Variants in DCPS observed in about 807,000 individuals in gnomAD.
The protein encoded by DCPS is decapping enzyme, scavenger.
Under a neutral mutation model 34.7 loss-of-function variants are expected in DCPS, and 27 were observed. The ratio of observed to expected loss-of-function variants is 0.78; its 90% CI spans 0.57 to 1.07. DCPS has a LOEUF of 1.07. DCPS is among the 50% of genes least tolerant of loss of function. The pLI, the probability that DCPS is intolerant of heterozygous loss-of-function variation, is 0.00. For synonymous variants in DCPS, 185 were observed against 185.7 expected, an observed-to-expected ratio of 1.00 and a Z score of 0.03; for missense variants, 464 against 436.9, an observed-to-expected ratio of 1.06 and a Z score of -0.55.
In DCPS at chr11:126,328,854, A is replaced by G. The variant is rs1436569886; in HGVS notation, c.377-2551A>G. Among the ~76,000 whole-genome samples, 4 of 152,062 alleles carry G rather than the reference A, an allele frequency of 2.6e-5. No individual in the cohort carries two copies. The highest frequency in any genetic ancestry group is 1.9e-4 in the East Asian group (1 of 5,182). On this transcript the variant is annotated intron_variant, in intron 2 of 5. Transcript: ENST00000263579. The surrounding 1 kb of genome is among the most constrained non-coding windows in gnomAD (Gnocchi z 6.6). Reference sequence around the variant, plus strand: ...AGGCACTTCCTGAATCTTTCCTTCTACTGACTCGTTTAATTCTCCCAACAG... The same window carrying G: ...AGGCACTTCCTGAATCTTTCCTTCTGCTGACTCGTTTAATTCTCCCAACAG...
Position 126,338,161 on chromosome 11 carries a change from TG to T in DCPS, c.523-123del. 1.3e-6 allele frequency: 1 copy of T among 794,530 alleles called. No individual in the cohort carries two copies. The highest frequency in any genetic ancestry group is 2.1e-6 in the Non-Finnish European group (1 of 472,012). The allele number at this position is 794,530 out of a possible 1,614,324, so 49.2% of individuals were successfully genotyped here. On this transcript the variant is annotated intron_variant, in intron 3 of 5. Transcript: ENST00000263579. The surrounding 1 kb of genome is among the most constrained non-coding windows in gnomAD (Gnocchi z 5.4). The stretch of plus-strand genomic sequence containing the variant: ...AGCCCGGATGTAGATCCTCTGAGCG[TG>T]GCGGCCTTTTATGGCTTGGTTCTGT...
At chr11:126,311,067 C>T (rs938691869) in intron 2 of DCPS, among the ~76,000 whole-genome samples, 1 of 152,178 alleles carries the variant, frequency 6.6e-6, no homozygotes, top group Non-Finnish European at 1.5e-5. Flanking sequence ...ATTCGTTTAT[C>T]CCCTCCACGT....
chr11:126,333,605 C>T lies in DCPS; in HGVS notation c.522+2055C>T, dbSNP rs1951808278. Among the ~76,000 whole-genome samples the T allele has an allele frequency of 6.6e-6, 1 of 152,162 alleles. No homozygotes were observed. Among genetic ancestry groups the T allele is most frequent in the African/African-American group, 2.4e-5 (1 of 41,432 alleles). ...AGGGAGGAGCAAGTCCAGAGGCACA[C>T]AGAGCTGGAATCATCCGATGCTTTG... is the stretch of plus-strand genomic sequence containing the variant. On this transcript the variant is annotated intron_variant, in intron 3 of 5. Coordinates refer to ENST00000263579, the MANE Select transcript of DCPS (RefSeq NM_014026.6). The surrounding 1 kb of genome is among the most constrained non-coding windows in gnomAD (Gnocchi z 5.7).
At chr11:126,318,838 G>A (rs1951682274) in intron 2 of DCPS, among the ~76,000 whole-genome samples, 1 of 152,236 alleles carries the variant, frequency 6.6e-6, no homozygotes, top group Non-Finnish European at 1.5e-5. Context: ...ATGTGTATGG[G>A]AAGGAGAGCA....
intron 2 of DCPS, among the ~76,000 whole-genome samples, chr11:126,310,153 T>C (rs1484951506): frequency 6.6e-6 from 1 of 152,204 alleles, no homozygotes; most frequent in African/African-American, 2.4e-5. Flanking sequence ...CACAACTCCC[T>C]GGTGAGCCAT....
intron 2 of DCPS, among the ~76,000 whole-genome samples, chr11:126,308,792 C>A (rs1951594654): frequency 7.0e-6 from 1 of 142,786 alleles, no homozygotes; most frequent in African/African-American, 2.5e-5. Flanking sequence ...GTGGAATTCA[C>A]AGGCTGTCCT....
In DCPS at chr11:126,335,880, A is replaced by C. The variant is rs1951828621; in HGVS notation, c.523-2406A>C. Among the ~76,000 whole-genome samples, 1 of 152,122 alleles carries C rather than the reference A, an allele frequency of 6.6e-6. No individual in the cohort carries two copies. ...GTGGAGGTTGCAGTGAGCTGAGATC[A>C]CGCCATTGCATTCCAGCCAAGTGTG... is the stretch of plus-strand genomic sequence containing the variant. On this transcript the variant is annotated intron_variant, in intron 3 of 5. Coordinates refer to ENST00000263579, the MANE Select transcript of DCPS (RefSeq NM_014026.6). The surrounding 1 kb of genome is among the most constrained non-coding windows in gnomAD (Gnocchi z 4.8).
rs1333381456 is a variant in DCPS at position 126,338,091 on chromosome 11, G to A, written c.523-195G>A. The A allele has an allele frequency of 5.1e-6, 3 of 590,266 alleles. No individual in the cohort carries two copies. Among genetic ancestry groups the A allele is most frequent in the African/African-American group, 3.7e-5 (2 of 53,532 alleles). 36.6% of individuals were successfully genotyped at this position (590,266 alleles called of 1,614,324 possible). ...GAGTGCCAGCTGGAGTGGGAAGGGG[G>A]AAGTCCCTTCTGGACCCCTAAGAAC... is the stretch of plus-strand genomic sequence containing the variant. On this transcript the variant is annotated intron_variant, in intron 3 of 5. Coordinates refer to ENST00000263579, the MANE Select transcript of DCPS (RefSeq NM_014026.6). This position sits in a 1 kb window ranked among gnomAD's most constrained non-coding sequence, Gnocchi z 5.4.
Position 126,314,660 on chromosome 11 carries a change from AT to A in DCPS, c.376+7917del, listed in dbSNP as rs577501621. Among the ~76,000 whole-genome samples, 29 of 152,312 alleles carry A rather than the reference AT, an allele frequency of 1.9e-4. No individual in the cohort carries two copies. In the East Asian group the frequency reaches 5.6e-3, roughly 29 times the overall value. On this transcript the variant is annotated intron_variant, in intron 2 of 5. Transcript: ENST00000263579. Reference sequence around the variant, plus strand: ...TCATACCATGGAATACTACTCAGCCATAAAAAGGAATGAAATAATGGCATTT... The same window carrying A: ...TCATACCATGGAATACTACTCAGCCAAAAAAGGAATGAAATAATGGCATTT...
chr11:126,318,585 A>G (rs1428897200), intron 2 of DCPS, among the ~76,000 whole-genome samples: 1 of 152,224 alleles, frequency 6.6e-6, no homozygotes, highest in Non-Finnish European at 1.5e-5. Flanking sequence ...AAGTCCGGTT[A>G]TCTGACCCAT....
chr11:126,339,867 G>T (rs768265212), intron 4 of DCPS, among the ~76,000 whole-genome samples: 8 of 152,198 alleles, frequency 5.3e-5, no homozygotes, highest in Non-Finnish European at 1.0e-4. Context: ...TGCACCTAGA[G>T]ATCCGGGGTC....
rs995709433 is a variant in DCPS at position 126,332,698 on chromosome 11, G to A, written c.522+1148G>A. 3.3e-5 allele frequency among the ~76,000 whole-genome samples: 5 copies of A among 152,220 alleles called. No homozygotes were observed. Among genetic ancestry groups the A allele is most frequent in the African/African-American group, 9.6e-5 (4 of 41,464 alleles). ...TGTGTGCCGCCAGCCCCCTTCCCCA[G>A]CCTGGTTCAGCCCTGGTCTCCCTGG... On this transcript the variant is annotated intron_variant, in intron 3 of 5. Coordinates refer to ENST00000263579, the MANE Select transcript of DCPS (RefSeq NM_014026.6). The surrounding 1 kb of genome is among the most constrained non-coding windows in gnomAD (Gnocchi z 5.4).
Position 126,331,662 on chromosome 11 carries a change from A to G in DCPS, c.522+112A>G. On this transcript the variant is annotated intron_variant, in intron 3 of 5. Coordinates refer to ENST00000263579, the MANE Select transcript of DCPS (RefSeq NM_014026.6). This position sits in a 1 kb window ranked among gnomAD's most constrained non-coding sequence, Gnocchi z 7.2. The stretch of plus-strand genomic sequence containing the variant: ...GCCAGGCGCTGTGCTGGGCGAGGGG[A>G]TGGGGGTACAGTAGAGAGCATGGCG... 2.2e-6 allele frequency: 3 copies of G among 1,354,928 alleles called. No individual in the cohort carries two copies. The highest frequency in any genetic ancestry group is 3.0e-6 in the Non-Finnish European group (3 of 999,972). 83.9% of individuals were successfully genotyped at this position (1,354,928 alleles called of 1,614,324 possible). A position where few individuals can be genotyped will look rare whatever the true frequency, so the allele number is the denominator to read the frequency against.
chr11:126,306,991 G>A (rs1951574912), intron 2 of DCPS, among the ~76,000 whole-genome samples: 2 of 152,018 alleles, frequency 1.3e-5, no homozygotes, highest in Non-Finnish European at 2.9e-5. Context: ...ACCTTACAAT[G>A]TACAGGACAG....
At position 126,333,982 on chromosome 11, in the gene DCPS, C is replaced by T. The variant is rs1193311284; in HGVS notation, c.522+2432C>T. Among the ~76,000 whole-genome samples the T allele has an allele frequency of 1.3e-5, 2 of 151,990 alleles. No homozygotes were observed. Among genetic ancestry groups the T allele is most frequent in the African/African-American group, 2.4e-5 (1 of 41,346 alleles). On this transcript the variant is annotated intron_variant, in intron 3 of 5. Coordinates refer to ENST00000263579, the MANE Select transcript of DCPS (RefSeq NM_014026.6). This position sits in a 1 kb window ranked among gnomAD's most constrained non-coding sequence, Gnocchi z 5.7. The stretch of plus-strand genomic sequence containing the variant: ...TTTTAAGCATGTGGATGATATGGCC[C>T]GATTTGCAGAATTAATTGGTGGAGT...
intron 4 of DCPS, chr11:126,341,904 G>A (rs560999286): frequency 6.6e-6 from 1 of 152,356 alleles, no homozygotes; most frequent in South Asian, 2.1e-4. Context: ...CAGATTCTTA[G>A]AACTCTGGCA....
rs546192696 is a variant in DCPS at position 126,343,144 on chromosome 11, G to A, written c.637-163G>A. 2.0e-5 allele frequency among the ~76,000 whole-genome samples: 3 copies of A among 150,750 alleles called. No individual in the cohort carries two copies. The East Asian group carries it at 5.9e-4, about 30-fold the overall frequency. Reference sequence around the variant, plus strand: ...CGTACACAGTAGGCCTGCTCCTTAAGACCATCCCACACGCCCGGGGTATGC... The same window carrying A: ...CGTACACAGTAGGCCTGCTCCTTAAAACCATCCCACACGCCCGGGGTATGC... On this transcript the variant is annotated intron_variant, in intron 4 of 5. Transcript: ENST00000263579.
Position 126,329,149 on chromosome 11 carries a change from G to A in DCPS, c.377-2256G>A, listed in dbSNP as rs117907178. On this transcript the variant is annotated intron_variant, in intron 2 of 5. Coordinates refer to ENST00000263579, the MANE Select transcript of DCPS (RefSeq NM_014026.6). The surrounding 1 kb of genome is among the most constrained non-coding windows in gnomAD (Gnocchi z 5.0). The stretch of plus-strand genomic sequence containing the variant: ...CTCCCGCCTCTTGAGATCTTGGTGT[G>A]CCTGACCTCTGACCTCTGGCCCATG... Among the ~76,000 whole-genome samples the A allele has an allele frequency of 2.2e-3, 332 of 152,288 alleles. 1 individual carries two copies. Among genetic ancestry groups the A allele is most frequent in the Admixed American group, 7.8e-3 (119 of 15,294 alleles).
intron 4 of DCPS, among the ~76,000 whole-genome samples, chr11:126,339,239 A>G (rs1951858516): frequency 2.0e-5 from 3 of 152,198 alleles, no homozygotes; most frequent in Admixed American, 1.3e-4. Flanking sequence ...CTGGGAGCAG[A>G]CAGACATATT....
Sources: gnomAD v4.1 joint callset for allele counts (sites outside exome capture counted in the v4.1 genomes callset) on GRCh38, gnomAD v4.1.1 for gene constraint, Gnocchi (gnomAD v3.1) non-coding constraint, MANE v1.5 for transcripts, NCBI Gene and HGNC (gene_info 2026-07-23, HGNC 2026-07-21) for gene names.